Variants in EMID1 observed in about 807,000 individuals in gnomAD.
The protein encoded by EMID1 is EMI domain-containing protein 1.
A neutral mutation model predicts 60.6 loss-of-function variants in EMID1; 40 were observed. The ratio of observed to expected loss-of-function variants is 0.66; its 90% CI spans 0.51 to 0.86. EMID1 has a LOEUF of 0.86. EMID1 is among the 40% of genes least tolerant of loss of function. EMID1 has a pLI of 0.00. For synonymous variants in EMID1, 242 were observed against 231.0 expected (o/e 1.05, Z -0.43); for missense variants, 585 against 597.1 (o/e 0.98, Z 0.21).
chr22:29,241,104 C>A (rs1207158055), intron 12 of EMID1, among the ~76,000 whole-genome samples: 1 of 152,046 alleles, frequency 6.6e-6, no homozygotes, highest in African/African-American at 2.4e-5. Context: ...GGATGTGGGT[C>A]TGACTGGGTC....
intron 14 of EMID1, chr22:29,255,302 A>C: frequency 6.6e-7 from 1 of 1,513,280 alleles, no homozygotes; most frequent in Non-Finnish European, 8.9e-7. Context: ...CTGCAGCAGC[A>C]GGCTCAGCTG....
At chr22:29,222,324 G>A (rs2040329296) in intron 3 of EMID1, among the ~76,000 whole-genome samples, 1 of 151,726 alleles carries the variant, frequency 6.6e-6, no homozygotes, top group Non-Finnish European at 1.5e-5. Context: ...AAACTCCTGG[G>A]CTCAAGCAAT....
chr22:29,230,523 T>C (rs968191045), intron 5 of EMID1, among the ~76,000 whole-genome samples: 1 of 152,226 alleles, frequency 6.6e-6, no homozygotes, highest in African/African-American at 2.4e-5. Flanking sequence ...TTTTCCATAA[T>C]GCGTGTTATG....
At chr22:29,233,927 A>G (rs148373073) in intron 10 of EMID1, 2 of 668,176 alleles carry the variant, frequency 3.0e-6, no homozygotes, top group African/African-American at 3.6e-5. Flanking sequence ...GTGCCAGCAC[A>G]TGGCAATGAG....
chr22:29,217,228 G>T (rs1255596924), intron 3 of EMID1, among the ~76,000 whole-genome samples: 4 of 152,244 alleles, frequency 2.6e-5, no homozygotes, highest in Non-Finnish European at 5.9e-5. Flanking sequence ...GGACAGGTGG[G>T]GACAGCACCC....
intron 1 of EMID1, among the ~76,000 whole-genome samples, chr22:29,214,343 T>C (rs132380): frequency 0.96 from 146,354 of 152,246 alleles, 70,416 homozygotes; most frequent in East Asian, 1. Flanking sequence ...ATGTCACATC[T>C]GGGCTTTGAA....
intron 13 of EMID1, among the ~76,000 whole-genome samples, chr22:29,243,696 T>A (rs564283379): frequency 1.3e-5 from 2 of 152,326 alleles, no homozygotes; most frequent in South Asian, 4.1e-4. Context: ...GCCAGCCCTA[T>A]CAGCAGACCC....
rs2040069188 is a variant in EMID1, at chr22:29,216,059, G to T, written c.319+429G>T. 1.3e-5 allele frequency among the ~76,000 whole-genome samples: 2 copies of T among 152,154 alleles called. 1 individual carries two copies. The highest frequency in any genetic ancestry group is 4.1e-4 in the South Asian group (2 of 4,830). Reference sequence around the variant, plus strand: ...ATGAGGAAACCGAGGCTCAGGAAGGGGAGGGGCACACACCTCTGTCTGTCT... The same window carrying T: ...ATGAGGAAACCGAGGCTCAGGAAGGTGAGGGGCACACACCTCTGTCTGTCT... On this transcript the variant is annotated intron_variant, in intron 3 of 14. Coordinates refer to ENST00000334018, the MANE Select transcript of EMID1 (RefSeq NM_133455.4).
chr22:29,230,347 A>C lies in EMID1; in HGVS notation c.466-673A>C, dbSNP rs201503407. On this transcript the variant is annotated intron_variant, in intron 5 of 14. Coordinates refer to ENST00000334018, the MANE Select transcript of EMID1 (RefSeq NM_133455.4). Reference sequence around the variant, plus strand: ...GGCTCTCCATCTTGGAAAAAAAAAAAACAAAAAAACAAACTAAGTGAAACT... The same window carrying C: ...GGCTCTCCATCTTGGAAAAAAAAAACACAAAAAAACAAACTAAGTGAAACT... Among the ~76,000 whole-genome samples the C allele has an allele frequency of 1.1e-3, 166 of 150,640 alleles. 3 individuals are homozygous for C. The East Asian group carries it at 0.027, about 24-fold the overall frequency.
At chr22:29,219,128 T>C (rs2040195228) in intron 3 of EMID1, among the ~76,000 whole-genome samples, 1 of 152,168 alleles carries the variant, frequency 6.6e-6, no homozygotes, top group African/African-American at 2.4e-5. Flanking sequence ...GGGAGCAGCC[T>C]GTGAGCTGAG....
At position 29,207,092 on chromosome 22, in the gene EMID1, C is replaced by A. The variant is rs78453731; in HGVS notation, c.101+953C>A. On this transcript the variant is annotated intron_variant, in intron 1 of 14. Coordinates refer to ENST00000334018, the MANE Select transcript of EMID1 (RefSeq NM_133455.4). ...TCAAAGGCCTGCGCGGCCCCCACCC[C>A]CTACGGCCTCAATTCTTTAATTCTT... Among the ~76,000 whole-genome samples, 1,009 of 152,336 alleles carry A rather than the reference C, an allele frequency of 6.6e-3. 14 individuals are homozygous for A. Among genetic ancestry groups the A allele is most frequent in the African/African-American group, 0.023 (944 of 41,586 alleles).
At chr22:29,206,174 C>G (rs1419956625) in intron 1 of EMID1, 35 bp downstream of exon 1, 1 of 1,218,340 alleles carries the variant, frequency 8.2e-7, no homozygotes, top group East Asian at 3.2e-5. Flanking sequence ...CCCCGCTGGC[C>G]GAGGGTCCCG....
intron 3 of EMID1, among the ~76,000 whole-genome samples, chr22:29,221,777 C>G (rs545041411): frequency 1.3e-5 from 2 of 152,340 alleles, no homozygotes; most frequent in Admixed American, 1.3e-4. Flanking sequence ...TGCTACATCC[C>G]TTAAAATGTT....
At chr22:29,231,377 C>A in intron 6 of EMID1, 2 of 821,570 alleles carry the variant, frequency 2.4e-6, no homozygotes, top group Non-Finnish European at 4.0e-6. Context: ...TCGGGGGGAG[C>A]TGGGAGTGGG....
At chr22:29,255,409 T>C in intron 14 of EMID1, 2 of 1,357,916 alleles carry the variant, frequency 1.5e-6, no homozygotes, top group Admixed American at 2.7e-5. Flanking sequence ...AGGAAGGGCC[T>C]GGAAAAGGCC....
In EMID1 at chr22:29,259,341, A is replaced by G; in HGVS notation, c.*397A>G. Reference sequence around the variant, plus strand: ...CCCCCTCCCCGACCAAACCTCGGGGAGCCCTCCTGTGCCCCTCCCTCCTTG... The same window carrying G: ...CCCCCTCCCCGACCAAACCTCGGGGGGCCCTCCTGTGCCCCTCCCTCCTTG... On this transcript the variant is annotated 3_prime_UTR_variant, in exon 15 of 15. Transcript: ENST00000334018. 1 of 225,382 alleles carries G rather than the reference A, an allele frequency of 4.4e-6. No individual in the cohort carries two copies. Among genetic ancestry groups the G allele is most frequent in the Non-Finnish European group, 8.7e-6 (1 of 114,480 alleles). 14.0% of individuals were successfully genotyped at this position (225,382 alleles called of 1,614,324 possible). A position where few individuals can be genotyped will look rare whatever the true frequency, so the allele number is the denominator to read the frequency against.
In EMID1 at chr22:29,224,396, C is replaced by T. The variant is rs375210858; in HGVS notation, c.320-737C>T. The stretch of plus-strand genomic sequence containing the variant: ...TGCCCCCGCCCCTGGTTTGGCCAGT[C>T]CATCCCTCCAGCTGTGGAGAAAACC... On this transcript the variant is annotated intron_variant, in intron 3 of 14. Coordinates refer to ENST00000334018, the MANE Select transcript of EMID1 (RefSeq NM_133455.4). Among the ~76,000 whole-genome samples the T allele has an allele frequency of 6.5e-4, 99 of 152,302 alleles. 2 individuals are homozygous for T. The highest frequency in any genetic ancestry group is 6.0e-3 in the East Asian group (31 of 5,180).
At chr22:29,218,864 G>A (rs1191830631) in intron 3 of EMID1, among the ~76,000 whole-genome samples, 2 of 152,230 alleles carry the variant, frequency 1.3e-5, no homozygotes, top group African/African-American at 4.8e-5. Flanking sequence ...AGCTCAGAGA[G>A]GGCGTGGGTC....
chr22:29,236,174 A>C (rs1185682808), intron 12 of EMID1, among the ~76,000 whole-genome samples: 1 of 152,114 alleles, frequency 6.6e-6, no homozygotes, highest in Non-Finnish European at 1.5e-5. Flanking sequence ...CAGGAGGATC[A>C]CTTGAAATCA....
Sources: gnomAD v4.1 joint callset for allele counts (sites outside exome capture counted in the v4.1 genomes callset) on GRCh38, gnomAD v4.1.1 for gene constraint, MANE v1.5 for transcripts, NCBI Gene and HGNC (gene_info 2026-07-23, HGNC 2026-07-21) for gene names.